ACSM2B: variants seen among roughly 807,000 people sequenced by gnomAD.
ACSM2B encodes the protein acyl-CoA synthetase medium chain family member 2B.
Under a neutral mutation model 78.6 loss-of-function variants are expected in ACSM2B, and 58 were observed. The observed-to-expected ratio is 0.74, with a 90% CI of 0.60 to 0.92. The LOEUF is 0.92. Among genes scored for constraint, ACSM2B ranks in the 40% least tolerant of loss-of-function variants. ACSM2B has a pLI of 0.00. For synonymous variants in ACSM2B, 257 were observed against 256.8 expected, an observed-to-expected ratio of 1.00 and a Z score of -0.01; for missense variants, 688 against 711.2, an observed-to-expected ratio of 0.97 and a Z score of 0.37.
At chr16:20,565,540 G>C (rs2015799828) in intron 1 of ACSM2B, among the ~76,000 whole-genome samples, 1 of 152,092 alleles carries the variant, frequency 6.6e-6, no homozygotes, top group Non-Finnish European at 1.5e-5. Flanking sequence ...TGTTACTGTA[G>C]CAAATGTTAA....
At chr16:20,558,911 TG>T (rs2015556505) in intron 3 of ACSM2B, among the ~76,000 whole-genome samples, 1 of 152,240 alleles carries the variant, frequency 6.6e-6, no homozygotes, top group Admixed American at 6.5e-5. Flanking sequence ...CAAATTTATT[TG>T]TATAGATTTT....
chr16:20,564,576 A>G, intron 2 of ACSM2B, 93 bp downstream of exon 2: 1 of 1,486,842 alleles, frequency 6.7e-7, no homozygotes, highest in East Asian at 2.5e-5. Context: ...CCTTACATGT[A>G]ATAAGTACTT....
intron 3 of ACSM2B, among the ~76,000 whole-genome samples, chr16:20,558,787 G>A (rs2015552166): frequency 6.6e-6 from 1 of 152,228 alleles, no homozygotes; most frequent in African/African-American, 2.4e-5. Context: ...TGCCACTGCA[G>A]TGCAAATGCA....
intron 13 of ACSM2B, among the ~76,000 whole-genome samples, chr16:20,538,848 G>C (rs1233143993): frequency 6.6e-6 from 1 of 152,108 alleles, no homozygotes; most frequent in Admixed American, 6.5e-5. Flanking sequence ...ACTGTGCTAT[G>C]CTGCCTCACT....
Position 20,540,584 on chromosome 16 carries a change from A to G in ACSM2B, c.1629+70T>C, listed in dbSNP as rs1053838369. 5 of 1,586,624 alleles carry G rather than the reference A, an allele frequency of 3.2e-6. No homozygotes were observed. The African/African-American group carries it at 5.4e-5, about 17-fold the overall frequency. ...AATTAGAAGGCTGTCCTCCTCCTGA[A>G]GAAGATAAATATAACAGGAAAACAA... is the stretch of plus-strand genomic sequence containing the variant. On this transcript the variant is annotated intron_variant, in intron 13 of 13. Coordinates refer to ENST00000329697, the MANE Select transcript of ACSM2B (RefSeq NM_001105069.2).
Position 20,559,456 on chromosome 16 carries a change from A to G in ACSM2B, c.178-9T>C, listed in dbSNP as rs747976990. The G allele has an allele frequency of 9.9e-6, 16 of 1,612,808 alleles. No homozygotes were observed. The highest frequency in any genetic ancestry group is 4.5e-5 in the East Asian group (2 of 44,880). ...GGGAGTCGCTTGCCAGCCTGAGGAA[A>G]GAGAAACCCTGTTGATTAGGGGGCA... is the stretch of plus-strand genomic sequence containing the variant. On this transcript the variant is annotated splice_polypyrimidine_tract_variant and intron_variant, in intron 2 of 13. Coordinates refer to ENST00000329697, the MANE Select transcript of ACSM2B (RefSeq NM_001105069.2).
intron 9 of ACSM2B, among the ~76,000 whole-genome samples, chr16:20,545,756 G>T (rs191396447): frequency 2.0e-5 from 3 of 152,272 alleles, no homozygotes; most frequent in East Asian, 3.9e-4. Flanking sequence ...ATAGTGAATG[G>T]CATGGCAAGT....
chr16:20,574,004 C>T (rs974797559), intron 1 of ACSM2B: 2 of 151,944 alleles, frequency 1.3e-5, no homozygotes, highest in African/African-American at 2.4e-5. Flanking sequence ...GCTGGAATTT[C>T]CCAATCCTAG....
At chr16:20,550,817 G>A (rs2015290183) in intron 6 of ACSM2B, among the ~76,000 whole-genome samples, 1 of 152,108 alleles carries the variant, frequency 6.6e-6, no homozygotes, top group Admixed American at 6.6e-5. Context: ...GTTGCTACAG[G>A]ATAAAGCATA....
chr16:20,556,616 A>AAG (rs2015482549), intron 3 of ACSM2B, among the ~76,000 whole-genome samples: 1 of 152,158 alleles, frequency 6.6e-6, no homozygotes. Context: ...AAATAAAAGA[A>AAG]AAAGAAAAGA....
At position 20,543,275 on chromosome 16, in the gene ACSM2B, G is replaced by C; in HGVS notation, c.1282-13C>G. 2 of 1,612,014 alleles carry C rather than the reference G, an allele frequency of 1.2e-6. No individual in the cohort carries two copies. The highest frequency in any genetic ancestry group is 1.7e-6 in the Non-Finnish European group (2 of 1,179,852). Reference sequence around the variant, plus strand: ...TGTCGGGATTTTCCTGGTGACCACAGAAAGACAGAGTCATTGTGCCTGCAA... The same window carrying C: ...TGTCGGGATTTTCCTGGTGACCACACAAAGACAGAGTCATTGTGCCTGCAA... On this transcript the variant is annotated splice_polypyrimidine_tract_variant and intron_variant, in intron 10 of 13. Coordinates refer to ENST00000329697, the MANE Select transcript of ACSM2B (RefSeq NM_001105069.2).
At chr16:20,556,250 T>C (rs2015470748) in intron 3 of ACSM2B, among the ~76,000 whole-genome samples, 1 of 152,242 alleles carries the variant, frequency 6.6e-6, no homozygotes, top group African/African-American at 2.4e-5. Flanking sequence ...TCCTAAATTC[T>C]TGTTCTTCTT....
intron 1 of ACSM2B, among the ~76,000 whole-genome samples, chr16:20,569,905 A>C (rs1300443136): frequency 6.6e-6 from 1 of 151,856 alleles, no homozygotes; most frequent in Non-Finnish European, 1.5e-5. Flanking sequence ...TTGTACATTA[A>C]TTTTGTGTCC....
intron 10 of ACSM2B, chr16:20,544,387 T>A (rs115346556): frequency 0.059 from 12,490 of 212,496 alleles, 1,632 homozygotes; most frequent in African/African-American, 0.28. Context: ...ACTCGAGCAA[T>A]CTGAGTCCAA....
Position 20,559,228 on chromosome 16 carries a change from G to T in ACSM2B, c.388+9C>A. Reference sequence around the variant, plus strand: ...AGACAGTTCTCTGTCCAGGTAGTCAGTTACCAACCTGCTCGAATGCAGCCC... The same window carrying T: ...AGACAGTTCTCTGTCCAGGTAGTCATTTACCAACCTGCTCGAATGCAGCCC... On this transcript the variant is annotated intron_variant, in intron 3 of 13. Coordinates refer to ENST00000329697, the MANE Select transcript of ACSM2B (RefSeq NM_001105069.2). 6.3e-7 allele frequency: 1 copy of T among 1,597,448 alleles called. No homozygotes were observed. The highest frequency in any genetic ancestry group is 2.2e-5 in the East Asian group (1 of 44,532).
At position 20,553,787 on chromosome 16, in the gene ACSM2B, T is replaced by C; in HGVS notation, c.730A>G (p.Met244Val). ...AAGAGCTCAGCTTACCCAGCATCCA[T>C]CTTGGCCTTGAGGCCCAGGCTCGAG... ...SYSSLGLKAK[M>V]DAGWTGLQAS... The change falls in exon 5 of 14, where the codon ATG becomes GTG. Residue 244 changes from methionine (M) to valine (V), a missense_variant. Transcript: ENST00000329697. The C allele has an allele frequency of 1.9e-6, 3 of 1,609,566 alleles. No homozygotes were observed. Among genetic ancestry groups the C allele is most frequent in the Non-Finnish European group, 2.5e-6 (3 of 1,176,600 alleles).
intron 2 of ACSM2B, among the ~76,000 whole-genome samples, chr16:20,564,254 T>G (rs976771659): frequency 1.7e-4 from 26 of 151,890 alleles, no homozygotes; most frequent in Non-Finnish European, 3.7e-4. Context: ...CCACCATGCC[T>G]GGCTAATTTT....
At chr16:20,567,489 A>AAT (rs1413349230) in intron 1 of ACSM2B, among the ~76,000 whole-genome samples, 2 of 122,700 alleles carry the variant, frequency 1.6e-5, no homozygotes, top group East Asian at 2.1e-4. Flanking sequence ...CAGTATATAT[A>AAT]AATAATATAT....
intron 12 of ACSM2B, chr16:20,542,672 A>G (rs1188346663): frequency 1.9e-6 from 1 of 513,036 alleles, no homozygotes; most frequent in Admixed American, 3.5e-5. Flanking sequence ...AGAAATCACC[A>G]TACTTAAGTA....
Sources: gnomAD v4.1 joint callset for allele counts (sites outside exome capture counted in the v4.1 genomes callset) on GRCh38, gnomAD v4.1.1 for gene constraint, MANE v1.5 for transcripts, NCBI Gene and HGNC (gene_info 2026-07-23, HGNC 2026-07-21) for gene names.